DCLK2: variants seen among roughly 807,000 people sequenced by gnomAD.
DCLK2 encodes doublecortin like kinase 2, also known as serine/threonine-protein kinase DCLK2.
Under a neutral mutation model 78.4 loss-of-function variants are expected in DCLK2, and 31 were observed. The ratio of observed to expected loss-of-function variants is 0.40; its 90% CI spans 0.30 to 0.53. The LOEUF is 0.53. Ranked by LOEUF, DCLK2 falls within the 20% of genes least tolerant of loss-of-function variation. The pLI is 0.61. For synonymous variants in DCLK2, 407 were observed against 374.9 expected (o/e 1.09, Z -0.99); for missense variants, 872 against 973.7 (o/e 0.90, Z 1.39).
At chr4:150,228,459 C>G (rs1741783391) in intron 8 of DCLK2, among the ~76,000 whole-genome samples, 1 of 152,182 alleles carries the variant, frequency 6.6e-6, no homozygotes, top group African/African-American at 2.4e-5. Flanking sequence ...CACTTTGGTA[C>G]CTACTGTTTG....
chr4:150,178,127 C>T (rs1341653874), intron 2 of DCLK2, among the ~76,000 whole-genome samples: 2 of 152,132 alleles, frequency 1.3e-5, no homozygotes, highest in East Asian at 1.9e-4. Context: ...TGAAGCTCCA[C>T]GTAAATGGGG....
chr4:150,256,012 C>T lies in DCLK2; in HGVS notation c.2074-8C>T. 4.3e-6 allele frequency: 7 copies of T among 1,612,448 alleles called. No individual in the cohort carries two copies. Among genetic ancestry groups the T allele is most frequent in the Non-Finnish European group, 5.9e-6 (7 of 1,179,572 alleles). ...GGTAATGTGTTGTCTCTGCTGTTTC[C>T]TCCTCAGAACACGGCTCTAGATAAG... On this transcript the variant is annotated splice_polypyrimidine_tract_variant and splice_region_variant and intron_variant, in intron 15 of 15. Coordinates refer to ENST00000296550, the MANE Select transcript of DCLK2 (RefSeq NM_001040260.4).
At chr4:150,228,094 T>C (rs1741751133) in intron 8 of DCLK2, among the ~76,000 whole-genome samples, 1 of 152,086 alleles carries the variant, frequency 6.6e-6, no homozygotes, top group Admixed American at 6.5e-5. Context: ...GCTGCCTTCT[T>C]CTCTGTCTGT....
chr4:150,139,635 T>G (rs962984512), intron 2 of DCLK2, among the ~76,000 whole-genome samples: 1 of 152,244 alleles, frequency 6.6e-6, no homozygotes, highest in Admixed American at 6.5e-5. Flanking sequence ...GAAAGGGTCC[T>G]TTCTTTTGGG....
At chr4:150,151,754 G>A (rs535730865) in intron 2 of DCLK2, among the ~76,000 whole-genome samples, 3 of 152,060 alleles carry the variant, frequency 2.0e-5, no homozygotes, top group Admixed American at 6.6e-5. Flanking sequence ...GTGAAACCCC[G>A]TCTCTACTAA....
chr4:150,211,366 T>C (rs1740300429), intron 5 of DCLK2, among the ~76,000 whole-genome samples: 2 of 151,900 alleles, frequency 1.3e-5, no homozygotes, highest in Admixed American at 1.3e-4. Context: ...TTCTGTGACC[T>C]AGCCTTGGAA....
chr4:150,137,540 A>G (rs1733784586), intron 2 of DCLK2, among the ~76,000 whole-genome samples: 2 of 152,204 alleles, frequency 1.3e-5, no homozygotes, highest in Admixed American at 6.5e-5. Flanking sequence ...AGCCTGAACT[A>G]TAAGCTTCTA....
chr4:150,126,653 A>T (rs1235843840), intron 2 of DCLK2, among the ~76,000 whole-genome samples: 1 of 152,210 alleles, frequency 6.6e-6, no homozygotes, highest in African/African-American at 2.4e-5. Flanking sequence ...CTTTAGACTT[A>T]CAAAAATTGC....
chr4:150,220,267 T>A (rs894478261), intron 5 of DCLK2, among the ~76,000 whole-genome samples: 2 of 152,196 alleles, frequency 1.3e-5, no homozygotes, highest in Non-Finnish European at 2.9e-5. Context: ...AAATTAAATT[T>A]TGAAAAATTG....
At chr4:150,237,035 A>G (rs770738903) in intron 10 of DCLK2, among the ~76,000 whole-genome samples, 10 of 152,122 alleles carry the variant, frequency 6.6e-5, no homozygotes, top group Non-Finnish European at 1.0e-4. Flanking sequence ...AATAAATACT[A>G]TTTTTCAAAA....
chr4:150,086,030 A>G (rs1729611755), intron 1 of DCLK2, among the ~76,000 whole-genome samples: 1 of 152,138 alleles, frequency 6.6e-6, no homozygotes, highest in African/African-American at 2.4e-5. Flanking sequence ...CCAGATTTAG[A>G]TGGAGTTCTT....
At chr4:150,251,939 T>G (rs1194497094) in intron 15 of DCLK2, among the ~76,000 whole-genome samples, 1 of 151,946 alleles carries the variant, frequency 6.6e-6, no homozygotes, top group Non-Finnish European at 1.5e-5. Context: ...GCTCTCCCTC[T>G]CTCCCTCTCT....
chr4:150,223,207 T>A (rs1326524587), intron 7 of DCLK2, among the ~76,000 whole-genome samples: 1 of 152,168 alleles, frequency 6.6e-6, no homozygotes, highest in Non-Finnish European at 1.5e-5. Context: ...AAGTATGACT[T>A]TTAAAGACTA....
intron 14 of DCLK2, among the ~76,000 whole-genome samples, chr4:150,249,149 T>G (rs1743553554): frequency 6.6e-6 from 1 of 152,116 alleles, no homozygotes; most frequent in Non-Finnish European, 1.5e-5. Context: ...ATACCACATT[T>G]TTTTTTATTA....
intron 14 of DCLK2, 84 bp downstream of exon 14, chr4:150,248,469 CA>C: frequency 1.8e-6 from 2 of 1,138,656 alleles, no homozygotes; most frequent in South Asian, 2.6e-5. Context: ...TTTGCACATG[CA>C]AAAGTTATGC....
At chr4:150,121,159 T>A (rs1732510830) in intron 2 of DCLK2, among the ~76,000 whole-genome samples, 1 of 114,934 alleles carries the variant, frequency 8.7e-6, no homozygotes, top group African/African-American at 3.7e-5. Flanking sequence ...TGGCTGCTGA[T>A]TGATCAGGGT....
chr4:150,178,047 C>G (rs1737212947), intron 2 of DCLK2, among the ~76,000 whole-genome samples: 1 of 152,188 alleles, frequency 6.6e-6, no homozygotes. Flanking sequence ...TTTGCTGTAA[C>G]TCTTCAATCC....
chr4:150,204,953 C>G (rs7699202), intron 5 of DCLK2, among the ~76,000 whole-genome samples: 120,925 of 151,742 alleles, frequency 0.8, 50,451 homozygotes, highest in Middle Eastern at 0.94. Context: ...GTAATGAATT[C>G]TGAGAATACT....
intron 5 of DCLK2, among the ~76,000 whole-genome samples, chr4:150,212,509 A>G (rs1367691799): frequency 3.3e-5 from 5 of 152,230 alleles, no homozygotes; most frequent in Non-Finnish European, 5.9e-5. Context: ...ACCACTTCTC[A>G]TTACTCCAGA....
Sources: gnomAD v4.1 joint callset for allele counts (sites outside exome capture counted in the v4.1 genomes callset) on GRCh38, gnomAD v4.1.1 for gene constraint, MANE v1.5 for transcripts, NCBI Gene and HGNC (gene_info 2026-07-23, HGNC 2026-07-21) for gene names.